Variants in FAM193A observed in about 807,000 individuals in gnomAD.
FAM193A encodes the protein protein FAM193A.
Under a neutral mutation model 126.5 loss-of-function variants are expected in FAM193A, and 22 were observed. The ratio of observed to expected loss-of-function variants is 0.17; its 90% confidence interval spans 0.12 to 0.25. FAM193A has a LOEUF of 0.25. Ranked by LOEUF, FAM193A falls within the 10% of genes least tolerant of loss-of-function variation. FAM193A has a pLI of 1.00. For synonymous variants in FAM193A, 761 were observed against 646.8 expected (o/e 1.18, Z -2.68); for missense variants, 1,675 against 1,672.8 (o/e 1.00, Z -0.02).
Position 2,689,505 on chromosome 4 carries a change from G to C in FAM193A, c.2332-1G>C. On this transcript the variant is annotated splice_acceptor_variant, in intron 13 of 20. Coordinates refer to ENST00000637812, the MANE Select transcript of FAM193A (RefSeq NM_001366318.2). LOFTEE classifies it high-confidence loss of function. ...TGTGATTAGAAAATTTTTTTTTGTAGGCTTTACCGCCAGCACCTGTTCAGA... is the reference window on the plus strand; with the variant it reads ...TGTGATTAGAAAATTTTTTTTTGTACGCTTTACCGCCAGCACCTGTTCAGA... 6.5e-7 allele frequency: 1 copy of C among 1,548,992 alleles called. No homozygotes were observed. The highest frequency in any genetic ancestry group is 8.6e-7 in the Non-Finnish European group (1 of 1,159,912).
chr4:2,698,810 G>A (rs1404488851), intron 18 of FAM193A, among the ~76,000 whole-genome samples: 5 of 152,172 alleles, frequency 3.3e-5, no homozygotes, highest in Non-Finnish European at 5.9e-5. Context: ...CTTTACTTGG[G>A]ATGAAAATTA....
intron 8 of FAM193A, among the ~76,000 whole-genome samples, chr4:2,659,051 A>G (rs1712069592): frequency 1.3e-5 from 2 of 152,228 alleles, no homozygotes; most frequent in South Asian, 2.1e-4. Flanking sequence ...TTTCCCGGCC[A>G]TCCCGTCCTT....
rs781076887 is a variant in FAM193A, at chr4:2,646,713, A to G, written c.1192A>G (p.Ser398Gly). Residue 398 changes from serine (S) to glycine (G), a missense_variant, in exon 7 of 21, where the codon AGT (serine) becomes GGT (glycine). Ser to Gly is a moderately conservative substitution (Grantham distance 56, BLOSUM62 0). This residue lies in a region of FAM193A where 1,186 missense variants were observed against 1,109.2 expected (regional missense o/e 1.07). Coordinates refer to ENST00000637812, the MANE Select transcript of FAM193A (RefSeq NM_001366318.2). ...RLGTTTHDTCSEDTYSTLLQR... is the reference protein window; with the variant it reads ...RLGTTTHDTCGEDTYSTLLQR... ...AGGAACCACCACACACGACACCTGC[A>G]GTGAGGACACATACAGTACCTTGCT... The G allele has an allele frequency of 1.9e-6, 3 of 1,612,652 alleles. No homozygotes were observed. The highest frequency in any genetic ancestry group is 2.5e-6 in the Non-Finnish European group (3 of 1,179,290).
chr4:2,699,443 C>T (rs567903445), intron 18 of FAM193A, among the ~76,000 whole-genome samples: 5 of 86,102 alleles, frequency 5.8e-5, no homozygotes, highest in African/African-American at 2.0e-4. Flanking sequence ...ACCACCCCCC[C>T]CCCCACACAC....
intron 15 of FAM193A, 119 bp from the exon 16 acceptor site, chr4:2,693,467 G>A (rs1055156138): frequency 4.7e-5 from 45 of 948,186 alleles, no homozygotes; most frequent in Non-Finnish European, 6.8e-5. Flanking sequence ...ATATTAGGTC[G>A]TGAAGATGAA....
rs28843679 is a variant in FAM193A, at chr4:2,613,900, G to A, written c.502-11362G>A. Among the ~76,000 whole-genome samples, 899 of 151,832 alleles carry A rather than the reference G, an allele frequency of 5.9e-3. 9 individuals are homozygous for A. Among genetic ancestry groups the A allele is most frequent in the Admixed American group, 0.016 (242 of 15,234 alleles). ...CAATTCTCTTGCCTCTCAGCTTCCCGAGTAGCTGGGATTACAGGTGCGTAC... is the reference window on the plus strand; with the variant it reads ...CAATTCTCTTGCCTCTCAGCTTCCCAAGTAGCTGGGATTACAGGTGCGTAC... On this transcript the variant is annotated intron_variant, in intron 2 of 20. Transcript: ENST00000637812.
chr4:2,557,780 GTC>G (rs1738347620), intron 1 of FAM193A, among the ~76,000 whole-genome samples: 1 of 151,894 alleles, frequency 6.6e-6, no homozygotes, highest in African/African-American at 2.4e-5. Context: ...GTGAAACACT[GTC>G]TCTACTAAAA....
chr4:2,629,993 G>A (rs539716108), intron 4 of FAM193A, among the ~76,000 whole-genome samples: 3 of 152,074 alleles, frequency 2.0e-5, no homozygotes, highest in Admixed American at 2.0e-4. Context: ...TTAGCCGGGC[G>A]TGGTGGCGGG....
At chr4:2,558,312 A>G (rs1738389998) in intron 1 of FAM193A, among the ~76,000 whole-genome samples, 1 of 152,092 alleles carries the variant, frequency 6.6e-6, no homozygotes, top group African/African-American at 2.4e-5. Context: ...AGTGTACTAC[A>G]ATCTAATTAC....
At chr4:2,672,977 A>T (rs527798430) in intron 13 of FAM193A, among the ~76,000 whole-genome samples, 36 of 152,328 alleles carry the variant, frequency 2.4e-4, no homozygotes, top group African/African-American at 8.4e-4. Flanking sequence ...TGGAGTGAGG[A>T]TGTAGAAATA....
intron 1 of FAM193A, among the ~76,000 whole-genome samples, chr4:2,594,476 A>G (rs1740737633): frequency 6.6e-6 from 1 of 152,236 alleles, no homozygotes; most frequent in South Asian, 2.1e-4. Flanking sequence ...CCCACCTGGC[A>G]TGTCTTGCAG....
chr4:2,612,982 T>G (rs556514853), intron 2 of FAM193A, among the ~76,000 whole-genome samples: 4 of 152,254 alleles, frequency 2.6e-5, no homozygotes, highest in Non-Finnish European at 5.9e-5. Flanking sequence ...ACTGGCATTG[T>G]GTTGACTCTA....
intron 19 of FAM193A, among the ~76,000 whole-genome samples, chr4:2,710,306 C>G (rs1380022764): frequency 6.6e-6 from 1 of 150,608 alleles, no homozygotes; most frequent in Non-Finnish European, 1.5e-5. Context: ...TCCCGAGTAG[C>G]TGAGATTATA....
At chr4:2,665,157 A>G (rs969970820) in intron 12 of FAM193A, among the ~76,000 whole-genome samples, 2 of 152,122 alleles carry the variant, frequency 1.3e-5, no homozygotes, top group African/African-American at 4.8e-5. Context: ...AATTTTTCTC[A>G]GTAGTTCTAA....
intron 13 of FAM193A, 106 bp from the exon 14 acceptor site, chr4:2,689,400 C>G (rs1280123292): frequency 2.6e-6 from 2 of 768,298 alleles, no homozygotes; most frequent in Non-Finnish European, 4.1e-6. Context: ...TCATGGCGAG[C>G]ACATCCCATG....
At position 2,682,824 on chromosome 4, in the gene FAM193A, C is replaced by G. The variant is rs989099264; in HGVS notation, c.2332-6682C>G. Among the ~76,000 whole-genome samples the G allele has an allele frequency of 3.3e-4, 44 of 131,898 alleles. 1 individual carries two copies. The highest frequency in any genetic ancestry group is 8.4e-4 in the African/African-American group (34 of 40,680). 86.5% of individuals were successfully genotyped at this position (131,898 alleles called of 152,430 possible). ...TGTGACATTGCTGTCATTATTTTCA[C>G]TTATCCACATGTTTATCACCCAGTA... On this transcript the variant is annotated intron_variant, in intron 13 of 20. Transcript: ENST00000637812.
chr4:2,574,071 G>T (rs983878671), intron 1 of FAM193A, among the ~76,000 whole-genome samples: 1 of 152,058 alleles, frequency 6.6e-6, no homozygotes, highest in Non-Finnish European at 1.5e-5. Flanking sequence ...TTGTGGGAGG[G>T]TTTTTGCAGA....
At chr4:2,664,556 T>C (rs1304863948) in intron 12 of FAM193A, among the ~76,000 whole-genome samples, 1 of 136,912 alleles carries the variant, frequency 7.3e-6, no homozygotes, top group Non-Finnish European at 1.6e-5. Context: ...TCTATTTTCT[T>C]TCTTTTTTTT....
At chr4:2,543,890 A>C (rs1414059825) in intron 1 of FAM193A, among the ~76,000 whole-genome samples, 1 of 151,190 alleles carries the variant, frequency 6.6e-6, no homozygotes, top group East Asian at 1.9e-4. Flanking sequence ...AAAAAAAAAA[A>C]AAAAACCAAA....
Sources: allele counts gnomAD v4.1 joint callset (sites outside exome capture counted in the v4.1 genomes callset), GRCh38; gene constraint gnomAD v4.1.1; regional missense constraint gnomAD v4.1.1; transcripts MANE v1.5; gene names NCBI Gene and HGNC (gene_info 2026-07-23, HGNC 2026-07-21).